The following GPRIN2 variants were observed in gnomAD, a reference collection of about 807,000 sequenced individuals.
The protein encoded by GPRIN2 is G protein-regulated inducer of neurite outgrowth 2.
In GPRIN2, 1 loss-of-function variant was observed where a neutral mutation model predicts 0.3. The ratio of observed to expected loss-of-function variants is 3.90; its 90% CI spans 1.39 to 18.51. The LOEUF (loss-of-function observed/expected upper bound fraction) is 18.51. Ranked by LOEUF, GPRIN2 falls within the 30% of genes most tolerant of loss-of-function variation. The probability of loss-of-function intolerance (pLI) is 0.11; values close to 1 mark genes in which losing one functional copy is unlikely to be tolerated. For synonymous variants in GPRIN2, 361 were observed against 258.6 expected (o/e 1.40, Z -3.80); for missense variants, 880 against 604.2 (o/e 1.46, Z -4.79).
intron 2 of GPRIN2, among the ~76,000 whole-genome samples, chr10:46,552,433 A>G (rs1832123231): frequency 6.6e-6 from 1 of 152,426 alleles, no homozygotes; most frequent in African/African-American, 2.4e-5. Context: ...CTTCCAGGCA[A>G]CAACCTCCCC....
rs1335116492 is a variant in GPRIN2, at chr10:46,545,071, A to G, written c.*4289T>C. On this transcript the variant is annotated 3_prime_UTR_variant, in exon 3 of 3. Coordinates refer to ENST00000374314, the MANE Select transcript of GPRIN2 (RefSeq NM_001385282.1). The stretch of plus-strand genomic sequence containing the variant: ...TGGGCAAATGCCAAGCTCTGCATTT[A>G]ACTAACCAAGGCTGCTTGGCGTGAA... Among the ~76,000 whole-genome samples the G allele has an allele frequency of 2.0e-5, 3 of 152,310 alleles. No homozygotes were observed. The highest frequency in any genetic ancestry group is 4.4e-5 in the Non-Finnish European group (3 of 68,056).
rs1842348035 is a variant in GPRIN2, at chr10:46,548,268, G to A, written c.*1092C>T. 6.6e-6 allele frequency among the ~76,000 whole-genome samples: 1 copy of A among 152,298 alleles called. No homozygotes were observed. Among genetic ancestry groups the A allele is most frequent in the Non-Finnish European group, 1.5e-5 (1 of 68,056 alleles). ...AAAGCCCATGTTTCTGTCTCTCCAA[G>A]GCCCCTGGCCCCCACTGCCTAGCCT... is the stretch of plus-strand genomic sequence containing the variant. On this transcript the variant is annotated 3_prime_UTR_variant, in exon 3 of 3. Transcript: ENST00000374314.
At position 46,550,712 on chromosome 10, in the gene GPRIN2, C is replaced by T; in HGVS notation, c.25G>A (p.Gly9Ser). 2 of 1,509,120 alleles carry T rather than the reference C, an allele frequency of 1.3e-6. No individual in the cohort carries two copies. Among genetic ancestry groups the T allele is most frequent in the Non-Finnish European group, 8.8e-7 (1 of 1,131,096 alleles). The allele number at this position is 1,509,120 out of a possible 1,614,324, so 93.5% of individuals were successfully genotyped here. Residue 9 changes from glycine (G) to serine (S), a missense_variant, in exon 3 of 3, where the codon GGT becomes AGT. Transcript: ENST00000374314. ...CGGGGGCTCAGGGGTGCCCAGGGAC[C>T]CGGCTCGGGGCGGCTGGAGCTCATG... MSSSRPEP[G>S]PWAPLSPRLQ...
Position 46,541,806 on chromosome 10 carries a change from A to T in GPRIN2, c.*7554T>A, listed in dbSNP as rs1282111166. 3.3e-5 allele frequency among the ~76,000 whole-genome samples: 5 copies of T among 152,306 alleles called. No homozygotes were observed. The highest frequency in any genetic ancestry group is 1.2e-4 in the African/African-American group (5 of 41,486). Reference sequence around the variant, plus strand: ...TTTTAAAATAAAAACTAATGAAAAAATGATAAAATATCAAAAATTTCAATA... The same window carrying T: ...TTTTAAAATAAAAACTAATGAAAAATTGATAAAATATCAAAAATTTCAATA... On this transcript the variant is annotated 3_prime_UTR_variant, in exon 3 of 3. Coordinates refer to ENST00000374314, the MANE Select transcript of GPRIN2 (RefSeq NM_001385282.1).
At chr10:46,556,115 G>C (rs1228977670) in intron 1 of GPRIN2, among the ~76,000 whole-genome samples, 1 of 152,300 alleles carries the variant, frequency 6.6e-6, no homozygotes, top group Non-Finnish European at 1.5e-5. Flanking sequence ...GTAATGATGC[G>C]GGACAGGAGA....
In GPRIN2 at chr10:46,547,385, C is replaced by T. The variant is rs1832854580; in HGVS notation, c.*1975G>A. Among the ~76,000 whole-genome samples, 24 of 152,418 alleles carry T rather than the reference C, an allele frequency of 1.6e-4. No homozygotes were observed. Among genetic ancestry groups the T allele is most frequent in the African/African-American group, 5.8e-4 (24 of 41,598 alleles). On this transcript the variant is annotated 3_prime_UTR_variant, in exon 3 of 3. Transcript: ENST00000374314. ...CCCCTTCCACAGTTCCCTTAAAGTTCCTTTCCTCATTTACATCAGGATCTT... is the reference window on the plus strand; with the variant it reads ...CCCCTTCCACAGTTCCCTTAAAGTTTCTTTCCTCATTTACATCAGGATCTT...
chr10:46,548,396 C>T lies in GPRIN2; in HGVS notation c.*964G>A, dbSNP rs1832804415. Reference sequence around the variant, plus strand: ...TCCCCCTCCATTCCTGCCCTCCCTCCTTCCACAAACTGCACCAGCTGGGGA... The same window carrying T: ...TCCCCCTCCATTCCTGCCCTCCCTCTTTCCACAAACTGCACCAGCTGGGGA... On this transcript the variant is annotated 3_prime_UTR_variant, in exon 3 of 3. Transcript: ENST00000374314. Among the ~76,000 whole-genome samples the T allele has an allele frequency of 2.2e-3, 342 of 152,186 alleles. No homozygotes were observed. The highest frequency in any genetic ancestry group is 7.2e-3 in the African/African-American group (296 of 41,396).
rs1300781643 is a variant in GPRIN2 at position 46,549,267 on chromosome 10, G to A, written c.*93C>T. Reference sequence around the variant, plus strand: ...CAGGTGAGAGATGTGCCCAGCTGCCGGTGGGTCCAGGGGGCACGGAGCCCC... The same window carrying A: ...CAGGTGAGAGATGTGCCCAGCTGCCAGTGGGTCCAGGGGGCACGGAGCCCC... On this transcript the variant is annotated 3_prime_UTR_variant, in exon 3 of 3. Coordinates refer to ENST00000374314, the MANE Select transcript of GPRIN2 (RefSeq NM_001385282.1). 62 of 1,388,550 alleles carry A rather than the reference G, an allele frequency of 4.5e-5. No individual in the cohort carries two copies. Among genetic ancestry groups the A allele is most frequent in the African/African-American group, 8.9e-5 (6 of 67,626 alleles). 86.0% of individuals were successfully genotyped at this position (1,388,550 alleles called of 1,614,324 possible). A position where few individuals can be genotyped will look rare whatever the true frequency, so the allele number is the denominator to read the frequency against.
In GPRIN2 at chr10:46,549,049, T is replaced by C; in HGVS notation, c.*311A>G. On this transcript the variant is annotated 3_prime_UTR_variant, in exon 3 of 3. Transcript: ENST00000374314. ...ACATGGCAGAGTTCTGAGGGTGGAG[T>C]GAACAAAAGGTCATTTTTTACAGAA... 2.5e-6 allele frequency: 1 copy of C among 399,336 alleles called. No homozygotes were observed. The highest frequency in any genetic ancestry group is 4.6e-6 in the Non-Finnish European group (1 of 218,828). The allele number at this position is 399,336 out of a possible 1,614,324, so 24.7% of individuals were successfully genotyped here.
chr10:46,551,161 C>A (rs551259196), intron 2 of GPRIN2, among the ~76,000 whole-genome samples: 1 of 152,422 alleles, frequency 6.6e-6, no homozygotes, highest in South Asian at 2.1e-4. Flanking sequence ...TCAACCAGCA[C>A]GGAAGCACTA....
upstream of GPRIN2, among the ~76,000 whole-genome samples, chr10:46,557,521 A>G (rs1378104962): frequency 6.6e-6 from 1 of 152,302 alleles, no homozygotes; most frequent in Non-Finnish European, 1.5e-5. Flanking sequence ...ACAGCGGGCG[A>G]GGGCAGTGAC....
chr10:46,553,126 G>T (rs1455094192), intron 2 of GPRIN2, among the ~76,000 whole-genome samples: 1 of 152,312 alleles, frequency 6.6e-6, no homozygotes, highest in African/African-American at 2.4e-5. Flanking sequence ...AATTCCATAA[G>T]CTCAGAGAGG....
Position 46,542,033 on chromosome 10 carries a change from A to G in GPRIN2, c.*7327T>C, listed in dbSNP as rs1323546009. ...TCTGAAGAGAAAAAAAATCAAACCA[A>G]AGAGTTTTCCTCAAGAGTTGCAGGC... On this transcript the variant is annotated 3_prime_UTR_variant, in exon 3 of 3. Coordinates refer to ENST00000374314, the MANE Select transcript of GPRIN2 (RefSeq NM_001385282.1). Among the ~76,000 whole-genome samples the G allele has an allele frequency of 1.3e-5, 2 of 152,312 alleles. No individual in the cohort carries two copies. Among genetic ancestry groups the G allele is most frequent in the Non-Finnish European group, 2.9e-5 (2 of 68,058 alleles).
intron 2 of GPRIN2, among the ~76,000 whole-genome samples, chr10:46,551,838 CCTGA>C (rs1468153433): frequency 6.6e-6 from 1 of 152,310 alleles, no homozygotes; most frequent in Non-Finnish European, 1.5e-5. Flanking sequence ...AGCCTTCATC[CCTGA>C]CTGAGCATTG....
At chr10:46,552,114 G>T (rs1407542381) in intron 2 of GPRIN2, among the ~76,000 whole-genome samples, 1 of 152,310 alleles carries the variant, frequency 6.6e-6, no homozygotes, top group Non-Finnish European at 1.5e-5. Flanking sequence ...CACGGAGGGT[G>T]AGAGATGAGA....
In GPRIN2 at chr10:46,550,227, T is replaced by A; in HGVS notation, c.510A>T (p.Ala170=). Residue 170 remains alanine (A), a synonymous_variant, in exon 3 of 3, where the codon GCA becomes GCT. Coordinates refer to ENST00000374314, the MANE Select transcript of GPRIN2 (RefSeq NM_001385282.1). ...CAGGAGCCAGGTCCCTTTCCAGGCC[T>A]GCAGGGGCCTGGCCACCCTGGCCAG... The part of the protein sequence containing the change: ...GTSGQGGQAP[A]GLERDLAPED... The A allele has an allele frequency of 6.2e-7, 1 of 1,603,790 alleles. No homozygotes were observed. The highest frequency in any genetic ancestry group is 8.5e-7 in the Non-Finnish European group (1 of 1,174,064).
Position 46,549,777 on chromosome 10 carries a change from A to G in GPRIN2, c.960T>C (p.Asn320=). ...TKDVWTMTSA[N]DLAPAEASPL... is the part of the protein sequence containing the mutation. Reference sequence around the variant, plus strand: ...GGGATGCCTCTGCAGGGGCCAAGTCATTGGCTGAGGTCATGGTCCACACAT... The same window carrying G: ...GGGATGCCTCTGCAGGGGCCAAGTCGTTGGCTGAGGTCATGGTCCACACAT... Residue 320 remains asparagine, a synonymous_variant, in exon 3 of 3, where the codon AAT becomes AAC. Transcript: ENST00000374314. 1 of 1,614,184 alleles carries G rather than the reference A, an allele frequency of 6.2e-7. No individual in the cohort carries two copies. The highest frequency in any genetic ancestry group is 8.5e-7 in the Non-Finnish European group (1 of 1,180,044).
In GPRIN2 at chr10:46,545,386, C is replaced by T. The variant is rs1842068349; in HGVS notation, c.*3974G>A. Among the ~76,000 whole-genome samples the T allele has an allele frequency of 6.6e-6, 1 of 152,308 alleles. No homozygotes were observed. Among genetic ancestry groups the T allele is most frequent in the Non-Finnish European group, 1.5e-5 (1 of 68,056 alleles). ...TGAGGTGGGACTGCATCCAGGGCTC[C>T]CCTTTAGGGTCTGACTTGGACTGAA... On this transcript the variant is annotated 3_prime_UTR_variant, in exon 3 of 3. Coordinates refer to ENST00000374314, the MANE Select transcript of GPRIN2 (RefSeq NM_001385282.1).
In GPRIN2 at chr10:46,545,040, T is replaced by C. The variant is rs1842032891; in HGVS notation, c.*4320A>G. Among the ~76,000 whole-genome samples, 1 of 152,310 alleles carries C rather than the reference T, an allele frequency of 6.6e-6. No individual in the cohort carries two copies. Among genetic ancestry groups the C allele is most frequent in the Non-Finnish European group, 1.5e-5 (1 of 68,056 alleles). ...GCCAGAATGAAAAAGGAGAAGGAATTTAACATGGGCAAATGCCAAGCTCTG... is the reference window on the plus strand; with the variant it reads ...GCCAGAATGAAAAAGGAGAAGGAATCTAACATGGGCAAATGCCAAGCTCTG... On this transcript the variant is annotated 3_prime_UTR_variant, in exon 3 of 3. Transcript: ENST00000374314.
Sources: gnomAD v4.1 joint callset for allele counts (sites outside exome capture counted in the v4.1 genomes callset) on GRCh38, gnomAD v4.1.1 for gene constraint, MANE v1.5 for transcripts, NCBI Gene and HGNC (gene_info 2026-07-23, HGNC 2026-07-21) for gene names.